ZWILCH: variants seen among roughly 807,000 people sequenced by gnomAD.
ZWILCH encodes the protein protein zwilch homolog.
A neutral mutation model predicts 79.9 loss-of-function variants in ZWILCH; 74 were observed. The ratio of observed to expected loss-of-function variants is 0.93; its 90% CI spans 0.77 to 1.12. The LOEUF (loss-of-function observed/expected upper bound fraction) is 1.12. ZWILCH is among the 50% of genes most tolerant of loss of function. The probability of loss-of-function intolerance (pLI) is 0.00; values close to 1 mark genes in which losing one functional copy is unlikely to be tolerated. For missense variants in ZWILCH, 694 were observed against 687.5 expected, an observed-to-expected ratio of 1.01 and a Z score of -0.11; for synonymous variants, 241 against 228.2, an observed-to-expected ratio of 1.06 and a Z score of -0.51.
rs1895459950 is a variant in ZWILCH at position 66,548,377 on chromosome 15, AAAG to A, written c.*54_*56del. On this transcript the variant is annotated 3_prime_UTR_variant, in exon 19 of 19. Transcript: ENST00000307897. ...ACAAGCCAAAAAGAGAAAGAGAAAAAAAGGTAATTATTGTAGAACCTGAAAACA... is the reference window on the plus strand; with the variant it reads ...ACAAGCCAAAAAGAGAAAGAGAAAAAGTAATTATTGTAGAACCTGAAAACA... The A allele has an allele frequency of 2.0e-6, 1 of 508,500 alleles. No homozygotes were observed. Among genetic ancestry groups the A allele is most frequent in the Non-Finnish European group, 3.5e-6 (1 of 284,836 alleles). The allele number at this position is 508,500 out of a possible 1,614,324, so 31.5% of individuals were successfully genotyped here. A position where few individuals can be genotyped will look rare whatever the true frequency, so the allele number is the denominator to read the frequency against.
At position 66,532,399 on chromosome 15, in the gene ZWILCH, C is replaced by T; in HGVS notation, c.1308C>T (p.Phe436=). 2 of 1,604,660 alleles carry T rather than the reference C, an allele frequency of 1.2e-6. No individual in the cohort carries two copies. Among genetic ancestry groups the T allele is most frequent in the Non-Finnish European group, 8.5e-7 (1 of 1,176,768 alleles). ...TAAAGAAAGATTATATCAGTTTTTT[C>T]ATAGGTAAGTATCTTTCCTGGCTCA... ...DKLKKDYISF[F]IGQELASLNH... is the part of the protein sequence containing the mutation. Residue 436 remains phenylalanine (F), a synonymous_variant, in exon 13 of 19, where the codon TTC becomes TTT. Transcript: ENST00000307897.
intron 12 of ZWILCH, among the ~76,000 whole-genome samples, chr15:66,529,907 C>CATTG (rs1894808387): frequency 6.6e-6 from 1 of 152,148 alleles, no homozygotes; most frequent in African/African-American, 2.4e-5. Flanking sequence ...TCATATACTA[C>CATTG]TGATGAGAAT....
At chr15:66,511,950 A>C (rs1164122726) in intron 2 of ZWILCH, among the ~76,000 whole-genome samples, 1 of 152,234 alleles carries the variant, frequency 6.6e-6, no homozygotes, top group Non-Finnish European at 1.5e-5. Flanking sequence ...AAGTGATGGA[A>C]GTATAAATGT....
chr15:66,511,057 G>T (rs898066154), intron 2 of ZWILCH, among the ~76,000 whole-genome samples: 4 of 152,198 alleles, frequency 2.6e-5, no homozygotes, highest in African/African-American at 9.7e-5. Flanking sequence ...AACTCCTCAA[G>T]AACCTAGTAG....
rs183374080 is a variant in ZWILCH at position 66,526,547 on chromosome 15, C to A, written c.820-743C>A. Among the ~76,000 whole-genome samples the A allele has an allele frequency of 1.6e-3, 237 of 152,144 alleles. 1 individual carries two copies. The highest frequency in any genetic ancestry group is 5.5e-3 in the African/African-American group (227 of 41,514). On this transcript the variant is annotated intron_variant, in intron 8 of 18. Transcript: ENST00000307897. ...CCATCTTGGCTCACTGCAAGCTCCA[C>A]CTCCTGGGTTCACGCCATTCTCCTG...
At chr15:66,529,060 CTGG>C in intron 11 of ZWILCH, 103 bp downstream of exon 11, 1 of 879,098 alleles carries the variant, frequency 1.1e-6, no homozygotes, top group Admixed American at 2.3e-5. Context: ...GTGGGGAAGT[CTGG>C]TTCTTAACTT....
intron 1 of ZWILCH, chr15:66,508,613 A>G (rs938045314): frequency 9.2e-6 from 7 of 761,860 alleles, no homozygotes; most frequent in Non-Finnish European, 1.3e-5. Flanking sequence ...GCAACAGTCT[A>G]TTAATCTCTG....
At chr15:66,540,440 C>A (rs1895157944) in intron 17 of ZWILCH, among the ~76,000 whole-genome samples, 1 of 152,008 alleles carries the variant, frequency 6.6e-6, no homozygotes, top group African/African-American at 2.4e-5. Context: ...GTAGTCCCAA[C>A]TACTCACGTG....
In ZWILCH at chr15:66,506,981, C is replaced by T. The variant is rs140535335; in HGVS notation, c.53+1590C>T. On this transcript the variant is annotated intron_variant, in intron 1 of 18. Transcript: ENST00000307897. ...AAGCGATTCTCCTGCCTCAGCCTCCCGAGTAGCTGGGACTACAGGCGCATG... is the reference window on the plus strand; with the variant it reads ...AAGCGATTCTCCTGCCTCAGCCTCCTGAGTAGCTGGGACTACAGGCGCATG... 2.7e-3 allele frequency among the ~76,000 whole-genome samples: 409 copies of T among 151,944 alleles called. 4 individuals are homozygous for T. Among genetic ancestry groups the T allele is most frequent in the African/African-American group, 9.1e-3 (377 of 41,440 alleles).
chr15:66,532,379 A>G lies in ZWILCH; in HGVS notation c.1288A>G (p.Lys430Glu). 6.2e-7 allele frequency: 1 copy of G among 1,609,354 alleles called. No individual in the cohort carries two copies. The highest frequency in any genetic ancestry group is 1.1e-5 in the South Asian group (1 of 89,932). ...LLEIGLDKLKKDYISFFIGQE... is the reference protein window; with the variant it reads ...LLEIGLDKLKEDYISFFIGQE... Reference sequence around the variant, plus strand: ...GGAAATTGGTTTGGACAAACTAAAGAAAGATTATATCAGTTTTTTCATAGG... The same window carrying G: ...GGAAATTGGTTTGGACAAACTAAAGGAAGATTATATCAGTTTTTTCATAGG... Residue 430 changes from lysine (K) to glutamate (E), a missense_variant, in exon 13 of 19, where the codon AAA becomes GAA. By Grantham distance (56) the Lys-to-Glu change is moderately conservative (BLOSUM62 1). Transcript: ENST00000307897.
intron 3 of ZWILCH, among the ~76,000 whole-genome samples, chr15:66,514,859 T>G (rs1894197180): frequency 6.6e-6 from 1 of 152,198 alleles, no homozygotes; most frequent in African/African-American, 2.4e-5. Context: ...AAGAAGGTCT[T>G]CCTGTTTTGA....
intron 7 of ZWILCH, among the ~76,000 whole-genome samples, chr15:66,522,337 T>A (rs1452799358): frequency 6.6e-6 from 1 of 151,270 alleles, no homozygotes; most frequent in Non-Finnish European, 1.5e-5. Context: ...CTTTCTTTTT[T>A]TTTTTTTTTT....
intron 12 of ZWILCH, among the ~76,000 whole-genome samples, chr15:66,531,949 C>T (rs112027745): frequency 0.013 from 1,968 of 152,176 alleles, 35 homozygotes; most frequent in African/African-American, 0.045. Context: ...CTCCTTTAGA[C>T]CCAGCTACTC....
chr15:66,526,959 C>G (rs80293787), intron 8 of ZWILCH, among the ~76,000 whole-genome samples: 3,525 of 152,250 alleles, frequency 0.023, 151 homozygotes, highest in African/African-American at 0.081. Flanking sequence ...CTCTGTAGCA[C>G]CTATGCACGT....
intron 3 of ZWILCH, among the ~76,000 whole-genome samples, chr15:66,515,090 T>C (rs1408769482): frequency 6.6e-6 from 1 of 152,040 alleles, no homozygotes; most frequent in East Asian, 1.9e-4. Flanking sequence ...CACAGGTGCA[T>C]GCCACCACCC....
chr15:66,523,411 T>C (rs193061025), intron 7 of ZWILCH: 4 of 301,134 alleles, frequency 1.3e-5, no homozygotes, highest in Middle Eastern at 9.5e-4. Flanking sequence ...GGGGAGTGTG[T>C]GAGGAGGGCA....
rs1402728256 is a variant in ZWILCH, at chr15:66,505,384, C to T, written c.46C>T (p.Leu16Phe). The change falls in exon 1 of 19, where the codon CTC becomes TTC. Residue 16 changes from leucine to phenylalanine, a missense_variant. Coordinates refer to ENST00000307897, the MANE Select transcript of ZWILCH (RefSeq NM_017975.5). ...NCAAEDFYSR[L>F]LQKFNEEKKG... ...CGCAGCAGAGGACTTTTATTCTCGT[C>T]TCCTTCAGTGAGTCTAGTCTCTTCT... 4 of 1,614,168 alleles carry T rather than the reference C, an allele frequency of 2.5e-6. No individual in the cohort carries two copies. The highest frequency in any genetic ancestry group is 2.2e-5 in the South Asian group (2 of 91,070).
chr15:66,526,560 C>T (rs983903149), intron 8 of ZWILCH, among the ~76,000 whole-genome samples: 13 of 151,816 alleles, frequency 8.6e-5, no homozygotes, highest in Non-Finnish European at 1.6e-4. Context: ...CCTGGGTTCA[C>T]GCCATTCTCC....
At chr15:66,524,704 A>G (rs987132342) in intron 8 of ZWILCH, among the ~76,000 whole-genome samples, 8 of 152,116 alleles carry the variant, frequency 5.3e-5, no homozygotes, top group Non-Finnish European at 1.2e-4. Context: ...CTGGTTCCCT[A>G]TTGTGCCCTT....
Sources: allele counts gnomAD v4.1 joint callset (sites outside exome capture counted in the v4.1 genomes callset), GRCh38; gene constraint gnomAD v4.1.1; transcripts MANE v1.5; gene names NCBI Gene and HGNC (gene_info 2026-07-23, HGNC 2026-07-21).